ZNF208: variants seen among roughly 807,000 people sequenced by gnomAD.
ZNF208 encodes zinc finger protein 208.
Under a neutral mutation model 12.1 loss-of-function variants are expected in ZNF208, and 10 were observed. The ratio of observed to expected loss-of-function variants is 0.83; its 90% CI spans 0.51 to 1.40. The LOEUF (loss-of-function observed/expected upper bound fraction) is 1.40, where lower values mean the gene tolerates loss of function less well. Ranked by LOEUF, ZNF208 falls within the 40% of genes most tolerant of loss-of-function variation. The pLI, the probability that ZNF208 is intolerant of heterozygous loss-of-function variation, is 0.00. For synonymous variants in ZNF208, 497 were observed against 488.4 expected (o/e 1.02, Z -0.23); for missense variants, 1,652 against 1,485.0 (o/e 1.11, Z -1.85).
At position 21,967,825 on chromosome 19, in the gene ZNF208, A is replaced by T. The variant is rs1252128589; in HGVS notation, c.*3366T>A. 1 of 152,184 alleles carries T rather than the reference A, an allele frequency of 6.6e-6. No homozygotes were observed. The highest frequency in any genetic ancestry group is 1.5e-5 in the Non-Finnish European group (1 of 68,036). The allele number at this position is 152,184 out of a possible 1,614,324, so 9.4% of individuals were successfully genotyped here. On this transcript the variant is annotated 3_prime_UTR_variant, in exon 4 of 4. Transcript: ENST00000397126. Reference sequence around the variant, plus strand: ...CTGATAAAAATAGCACTTAATCTGTAGGTTGCTTTAGGCAGAATGACCATT... The same window carrying T: ...CTGATAAAAATAGCACTTAATCTGTTGGTTGCTTTAGGCAGAATGACCATT...
chr19:21,950,093 C>T (rs1335460980), intron 4 of ZNF208, among the ~76,000 whole-genome samples: 1 of 152,198 alleles, frequency 6.6e-6, no homozygotes. Context: ...CTTATATTCT[C>T]TGTAAAGTTT....
intron 4 of ZNF208, among the ~76,000 whole-genome samples, chr19:21,942,100 A>C (rs768267159): frequency 8.5e-5 from 13 of 152,326 alleles, no homozygotes; most frequent in Middle Eastern, 6.8e-3. Flanking sequence ...ATGACAAAAT[A>C]GTAAAGAAAT....
chr19:21,986,808 C>T, intron 3 of ZNF208: 1 of 376,020 alleles, frequency 2.7e-6, no homozygotes, highest in Middle Eastern at 6.8e-4. Context: ...ACAAAAAAAC[C>T]CCAAAGATAC....
intron 1 of ZNF208, among the ~76,000 whole-genome samples, chr19:22,001,656 A>G (rs1199617028): frequency 6.6e-6 from 1 of 151,934 alleles, no homozygotes; most frequent in Non-Finnish European, 1.5e-5. Context: ...TTGGGAGGCC[A>G]AGGTGGGCCA....
chr19:21,994,965 T>C (rs1970806016), intron 1 of ZNF208, among the ~76,000 whole-genome samples: 1 of 151,176 alleles, frequency 6.6e-6, no homozygotes, highest in Non-Finnish European at 1.5e-5. Context: ...TTTTTTTTTT[T>C]TTTTGAGACT....
intron 4 of ZNF208, chr19:21,940,660 C>A (rs188418991): frequency 6.6e-6 from 1 of 152,586 alleles, no homozygotes; most frequent in African/African-American, 2.4e-5. Flanking sequence ...TCTGTCCTCC[C>A]CGCGGTGGCA....
At chr19:22,008,131 C>T (rs370495731) in intron 1 of ZNF208, among the ~76,000 whole-genome samples, 222 of 151,264 alleles carry the variant, frequency 1.5e-3, no homozygotes, top group African/African-American at 5.2e-3. Flanking sequence ...GGTGAAATTC[C>T]GTCTCTACCA....
At chr19:21,989,275 C>T (rs1260718916) in intron 1 of ZNF208, among the ~76,000 whole-genome samples, 1 of 124,098 alleles carries the variant, frequency 8.1e-6, no homozygotes, top group Non-Finnish European at 1.6e-5. Context: ...CTGTGATGTT[C>T]CCCTTCCGGT....
chr19:22,010,918 C>T lies in ZNF208; in HGVS notation c.-124G>A, dbSNP rs1443257608. The T allele has an allele frequency of 6.4e-6, 9 of 1,415,440 alleles. No homozygotes were observed. Among genetic ancestry groups the T allele is most frequent in the South Asian group, 1.2e-5 (1 of 84,158 alleles). The allele number at this position is 1,415,440 out of a possible 1,614,324, so 87.7% of individuals were successfully genotyped here. A position where few individuals can be genotyped will look rare whatever the true frequency, so the allele number is the denominator to read the frequency against. ...CACAGCAGTAAGGACGAGACCTTGA[C>T]CTCCGGCTGCAGCGAGAGACAAAGG... On this transcript the variant is annotated 5_prime_UTR_variant, in exon 1 of 4. Coordinates refer to ENST00000397126, the MANE Select transcript of ZNF208 (RefSeq NM_007153.3).
intron 4 of ZNF208, among the ~76,000 whole-genome samples, chr19:21,956,174 T>G (rs575302481): frequency 6.7e-6 from 1 of 150,106 alleles, no homozygotes; most frequent in East Asian, 1.9e-4. Context: ...TGGCAAATAT[T>G]GCTGCCTGAT....
Position 21,969,511 on chromosome 19 carries a change from A to G in ZNF208, c.*1680T>C, listed in dbSNP as rs543091264. Among the ~76,000 whole-genome samples, 1 of 152,184 alleles carries G rather than the reference A, an allele frequency of 6.6e-6. No homozygotes were observed. Among genetic ancestry groups the G allele is most frequent in the Non-Finnish European group, 1.5e-5 (1 of 68,036 alleles). On this transcript the variant is annotated 3_prime_UTR_variant, in exon 4 of 4. Transcript: ENST00000397126. ...TTACATAAACTTAATTTTGGATTAA[A>G]TATTTTTTATATTTACTGTATCTGC... is the stretch of plus-strand genomic sequence containing the variant.
At chr19:21,996,166 G>A (rs1970832965) in intron 1 of ZNF208, among the ~76,000 whole-genome samples, 2 of 152,160 alleles carry the variant, frequency 1.3e-5, no homozygotes, top group Admixed American at 6.5e-5. Context: ...TAAGCAGACA[G>A]TTTATTTGGG....
At chr19:21,961,037 G>A (rs1205878097) in intron 4 of ZNF208, among the ~76,000 whole-genome samples, 2 of 152,198 alleles carry the variant, frequency 1.3e-5, no homozygotes, top group Non-Finnish European at 2.9e-5. Flanking sequence ...TTGCATCACA[G>A]TTGAAATCTG....
At position 21,989,388 on chromosome 19, in the gene ZNF208, C is replaced by T. The variant is rs1599625988; in HGVS notation, c.4-479G>A. Among the ~76,000 whole-genome samples the T allele has an allele frequency of 3.3e-5, 5 of 151,936 alleles. No individual in the cohort carries two copies. In the East Asian group the frequency reaches 9.7e-4, roughly 30 times the overall value. On this transcript the variant is annotated intron_variant, in intron 1 of 3. Coordinates refer to ENST00000397126, the MANE Select transcript of ZNF208 (RefSeq NM_007153.3). ...TTACTGAGAATGTTCCAATTTCATC[C>T]ATGTCCCAACAAAGGACATGAACTC...
chr19:21,998,866 C>T (rs573509652), intron 1 of ZNF208: 1 of 152,206 alleles, frequency 6.6e-6, no homozygotes, highest in East Asian at 1.9e-4. Flanking sequence ...TGAAATCTGA[C>T]TGTGTTAATA....
chr19:21,968,230 T>A lies in ZNF208; in HGVS notation c.*2961A>T, dbSNP rs1419585460. 1.3e-5 allele frequency: 2 copies of A among 152,172 alleles called. No individual in the cohort carries two copies. Among genetic ancestry groups the A allele is most frequent in the Non-Finnish European group, 2.9e-5 (2 of 68,020 alleles). The allele number at this position is 152,172 out of a possible 1,614,324, so 9.4% of individuals were successfully genotyped here. A position where few individuals can be genotyped will look rare whatever the true frequency, so the allele number is the denominator to read the frequency against. On this transcript the variant is annotated 3_prime_UTR_variant, in exon 4 of 4. Transcript: ENST00000397126. ...TTCTGTTTGGATTCCTTTTATTCTC[T>A]GGCTAGGATTTCATAACTTCAATAG...
chr19:22,005,750 C>T (rs1000274429), intron 1 of ZNF208, among the ~76,000 whole-genome samples: 2 of 152,054 alleles, frequency 1.3e-5, no homozygotes, highest in African/African-American at 4.8e-5. Flanking sequence ...TACTTACTGG[C>T]TTCAAATAAA....
At chr19:22,004,894 G>A (rs1971018997) in intron 1 of ZNF208, among the ~76,000 whole-genome samples, 1 of 152,162 alleles carries the variant, frequency 6.6e-6, no homozygotes, top group Non-Finnish European at 1.5e-5. Flanking sequence ...AGCTGCATGT[G>A]TACCCCTGAA....
intron 4 of ZNF208, among the ~76,000 whole-genome samples, chr19:21,941,722 A>G (rs1399624705): frequency 6.6e-6 from 1 of 152,188 alleles, no homozygotes; most frequent in Non-Finnish European, 1.5e-5. Context: ...TTTACATATT[A>G]AAGGCTCAAA....
Sources: allele counts gnomAD v4.1 joint callset (sites outside exome capture counted in the v4.1 genomes callset), GRCh38; gene constraint gnomAD v4.1.1; transcripts MANE v1.5; gene names NCBI Gene and HGNC (gene_info 2026-07-23, HGNC 2026-07-21).